The following EVC2 variants were observed in gnomAD, a reference collection of about 807,000 sequenced individuals.
EVC2 encodes limbin.
A neutral mutation model predicts 149.3 loss-of-function variants in EVC2; 148 were observed. The observed-to-expected ratio is 0.99, with a 90% CI of 0.87 to 1.14. The LOEUF is 1.14. Among genes scored for constraint, EVC2 ranks in the 50% most tolerant of loss-of-function variants. The pLI, the probability that EVC2 is intolerant of heterozygous loss-of-function variation, is 0.00. For missense variants in EVC2, 1,854 were observed against 1,627.3 expected (o/e 1.14, Z -2.40); for synonymous variants, 776 against 649.9 (o/e 1.19, Z -2.95).
At chr4:5,667,866 T>C (rs1413336479) in intron 7 of EVC2, among the ~76,000 whole-genome samples, 1 of 152,330 alleles carries the variant, frequency 6.6e-6, no homozygotes, top group Non-Finnish European at 1.5e-5. Context: ...GCATAAACTA[T>C]ACTACATGTA....
intron 9 of EVC2, among the ~76,000 whole-genome samples, chr4:5,649,058 T>C (rs1274062687): frequency 6.6e-6 from 1 of 152,210 alleles, no homozygotes; most frequent in Non-Finnish European, 1.5e-5. Context: ...CACGTATTTT[T>C]CCATTCCCCT....
intron 16 of EVC2, among the ~76,000 whole-genome samples, chr4:5,585,944 C>T (rs527564965): frequency 3.3e-5 from 5 of 152,292 alleles, no homozygotes; most frequent in African/African-American, 1.2e-4. Flanking sequence ...TCACTGCAAC[C>T]TCCACCTCCT....
At chr4:5,666,068 C>T (rs543629388) in intron 7 of EVC2, among the ~76,000 whole-genome samples, 23 of 152,252 alleles carry the variant, frequency 1.5e-4, no homozygotes, top group African/African-American at 5.1e-4. Context: ...CTTCCCGCTA[C>T]CCTCTATTAA....
Position 5,679,828 on chromosome 4 carries a change from A to AT in EVC2, c.870+1431dup, listed in dbSNP as rs35615167. On this transcript the variant is annotated intron_variant, in intron 7 of 21. Transcript: ENST00000344408. The surrounding 1 kb of genome is among the most constrained non-coding windows in gnomAD (Gnocchi z 5.1). ...TCCCTGTGACTTTATTACCTTTGTAATTTTTTTTTTAACATTTTGACTCTT... is the reference window on the plus strand; with the variant it reads ...TCCCTGTGACTTTATTACCTTTGTAATTTTTTTTTTTAACATTTTGACTCTT... Among the ~76,000 whole-genome samples the AT allele has an allele frequency of 0.19, 29,137 of 150,242 alleles. 2,883 individuals carry two copies. The highest frequency in any genetic ancestry group is 0.23 in the African/African-American group (9,418 of 40,956).
chr4:5,658,761 T>G (rs1220845341), intron 9 of EVC2, among the ~76,000 whole-genome samples: 1 of 152,238 alleles, frequency 6.6e-6, no homozygotes, highest in African/African-American at 2.4e-5. Flanking sequence ...CCAATAAATC[T>G]TTCTGAACCC....
rs762567213 is a variant in EVC2 at position 5,622,830 on chromosome 4, G to T, written c.2208C>A (p.Leu736=). The part of the protein sequence containing the change: ...ERLDQAALDD[L]RTLTLSLFEK... The stretch of plus-strand genomic sequence containing the variant: ...CAAACAGCGAAAGGGTCAGGGTCCT[G>T]AGATCGTCCAGGGCGGCCTGGTCCA... Residue 736 remains leucine (L), a synonymous_variant, in exon 14 of 22, where the codon CTC becomes CTA. Coordinates refer to ENST00000344408, the MANE Select transcript of EVC2 (RefSeq NM_147127.5). This position sits in a 1 kb window ranked among gnomAD's most constrained non-coding sequence, Gnocchi z 5.8. 2 of 1,614,072 alleles carry T rather than the reference G, an allele frequency of 1.2e-6. No homozygotes were observed. The highest frequency in any genetic ancestry group is 1.7e-6 in the Non-Finnish European group (2 of 1,180,038).
intron 16 of EVC2, among the ~76,000 whole-genome samples, chr4:5,589,308 T>A (rs897034432): frequency 3.3e-5 from 5 of 152,226 alleles, no homozygotes; most frequent in African/African-American, 1.2e-4. Context: ...CTAGTTTGGG[T>A]GGAAGGAACT....
Position 5,683,811 on chromosome 4 carries a change from GCCAGGAACACACACAGCTGC to G in EVC2, c.816+1539_816+1558del, listed in dbSNP as rs1217324294. On this transcript the variant is annotated intron_variant, in intron 6 of 21. Coordinates refer to ENST00000344408, the MANE Select transcript of EVC2 (RefSeq NM_147127.5). ...AGCTGGCCAGGAACACACACAGCTG[GCCAGGAACACACACAGCTGC>G]CCAGGAACACACACACACAGCTGCC... Among the ~76,000 whole-genome samples, 15 of 107,782 alleles carry G rather than the reference GCCAGGAACACACACAGCTGC, an allele frequency of 1.4e-4. 2 individuals carry two copies. Among genetic ancestry groups the G allele is most frequent in the African/African-American group, 3.0e-4 (9 of 30,420 alleles). The allele number at this position is 107,782 out of a possible 152,430, so 70.7% of individuals were successfully genotyped here. A position where few individuals can be genotyped will look rare whatever the true frequency, so the allele number is the denominator to read the frequency against.
Position 5,618,511 on chromosome 4 carries a change from C to G in EVC2, c.2673G>C (p.Lys891Asn). 1 of 1,613,762 alleles carries G rather than the reference C, an allele frequency of 6.2e-7. No homozygotes were observed. The highest frequency in any genetic ancestry group is 1.3e-5 in the African/African-American group (1 of 75,052). ...QTAWREAEFVKLDQAVAAPEL... is the reference protein window; with the variant it reads ...QTAWREAEFVNLDQAVAAPEL... ...CAGGGGCAGCCACGGCCTGGTCCAG[C>G]TTCACGAACTCTGCTTCTCGCCACG... The change falls in exon 15 of 22, where the codon AAG becomes AAC. Residue 891 changes from lysine (K) to asparagine (N), a missense_variant. Lys to Asn is a moderately conservative substitution (Grantham distance 94). Transcript: ENST00000344408. This position sits in a 1 kb window ranked among gnomAD's most constrained non-coding sequence, Gnocchi z 4.4.
chr4:5,621,839 G>A (rs1434943644), intron 14 of EVC2, among the ~76,000 whole-genome samples: 5 of 152,170 alleles, frequency 3.3e-5, no homozygotes, highest in African/African-American at 9.6e-5. Context: ...GTGAGACCCC[G>A]TCTCTACAAA....
At chr4:5,635,392 A>G (rs1716828577) in intron 10 of EVC2, among the ~76,000 whole-genome samples, 1 of 152,154 alleles carries the variant, frequency 6.6e-6, no homozygotes, top group African/African-American at 2.4e-5. Context: ...TGAACTTCTC[A>G]ATGAAAAAGA....
intron 8 of EVC2, among the ~76,000 whole-genome samples, chr4:5,663,507 T>C (rs1719045321): frequency 6.6e-6 from 1 of 152,238 alleles, no homozygotes; most frequent in Non-Finnish European, 1.5e-5. Flanking sequence ...AAAGAACTTT[T>C]CAGCCTGTAA....
At position 5,567,197 on chromosome 4, in the gene EVC2, T is replaced by C. The variant is rs1722338603; in HGVS notation, c.3557+1247A>G. 2.0e-5 allele frequency among the ~76,000 whole-genome samples: 3 copies of C among 151,938 alleles called. 1 individual carries two copies. Among genetic ancestry groups the C allele is most frequent in the Non-Finnish European group, 4.4e-5 (3 of 68,000 alleles). On this transcript the variant is annotated intron_variant, in intron 20 of 21. Transcript: ENST00000344408. This position sits in a 1 kb window ranked among gnomAD's most constrained non-coding sequence, Gnocchi z 4.4. ...CCTCTGACTGCGGTCCACAACCCAC[T>C]TCCTGACTATACTGGGCCCCAAGGC...
At chr4:5,598,018 G>A (rs1219875201) in intron 16 of EVC2, among the ~76,000 whole-genome samples, 2 of 130,208 alleles carry the variant, frequency 1.5e-5, no homozygotes, top group African/African-American at 3.0e-5. Context: ...CAAGGGATGT[G>A]AAGGACCTCT....
chr4:5,543,118 T>C, exon 22 of EVC2: 1 of 1,289,262 alleles, frequency 7.8e-7, no homozygotes, highest in Non-Finnish European at 1.0e-6. Context: ...GGGACAAACT[T>C]GCAGGTAAGT....
At chr4:5,646,734 CA>C (rs1045207798) in intron 9 of EVC2, among the ~76,000 whole-genome samples, 43 of 152,254 alleles carry the variant, frequency 2.8e-4, no homozygotes, top group African/African-American at 1.0e-3. Flanking sequence ...CAAAGGTTTA[CA>C]AAACTTTTCT....
chr4:5,671,615 GA>G (rs1416885811), intron 7 of EVC2, among the ~76,000 whole-genome samples: 21 of 152,148 alleles, frequency 1.4e-4, no homozygotes, highest in Non-Finnish European at 2.4e-4. Flanking sequence ...GGGTTCAAGC[GA>G]TTCTCCTGCC....
chr4:5,650,604 C>CATATATATATATATATATATAT (rs66673359), intron 9 of EVC2, among the ~76,000 whole-genome samples: 1 of 53,030 alleles, frequency 1.9e-5, no homozygotes, highest in Non-Finnish European at 3.6e-5. Context: ...TTTTAATCGC[C>CATATATATATATATATATATAT]ATATATATAT....
chr4:5,544,946 A>AGCACTG (rs1301031297), intron 21 of EVC2, among the ~76,000 whole-genome samples: 1 of 152,166 alleles, frequency 6.6e-6, no homozygotes, highest in Non-Finnish European at 1.5e-5. Flanking sequence ...AAATCCCTAC[A>AGCACTG]GCACTGGCAC....
Sources: allele counts gnomAD v4.1 joint callset (sites outside exome capture counted in the v4.1 genomes callset), GRCh38; gene constraint gnomAD v4.1.1; non-coding constraint Gnocchi (gnomAD v3.1); transcripts MANE v1.5; gene names NCBI Gene and HGNC (gene_info 2026-07-23, HGNC 2026-07-21).